Variants in FGD5 observed in about 807,000 individuals in gnomAD.
The protein encoded by FGD5 is FYVE, RhoGEF and PH domain-containing protein 5.
FGD5 carries 28 observed loss-of-function variants against 133.4 expected under a neutral mutation model. That is an observed-to-expected ratio of 0.21 (90% CI 0.16 to 0.29). The LOEUF (loss-of-function observed/expected upper bound fraction) is 0.29. FGD5 is among the 10% of genes least tolerant of loss of function. The pLI is 1.00. For synonymous variants in FGD5, 810 were observed against 776.5 expected (o/e 1.04, Z -0.72); for missense variants, 1,858 against 1,895.2 (o/e 0.98, Z 0.36).
intron 1 of FGD5, among the ~76,000 whole-genome samples, chr3:14,844,786 G>A (rs1270399259): frequency 1.3e-5 from 2 of 152,142 alleles, no homozygotes; most frequent in Admixed American, 6.5e-5. Context: ...TGTCTAGAAG[G>A]AGCTAGCCCA....
At chr3:14,867,663 T>G (rs923374274) in intron 2 of FGD5, among the ~76,000 whole-genome samples, 2 of 145,996 alleles carry the variant, frequency 1.4e-5, no homozygotes, top group Non-Finnish European at 3.0e-5. Context: ...GTTTCCCAAG[T>G]GAGTGACCTT....
chr3:14,869,737 C>T (rs1336195496), intron 2 of FGD5, among the ~76,000 whole-genome samples: 3 of 152,206 alleles, frequency 2.0e-5, no homozygotes, highest in African/African-American at 4.8e-5. Flanking sequence ...ATAATGTCCT[C>T]AAGGTTCATC....
rs1395989953 is a variant in FGD5 at position 14,921,990 on chromosome 3, G to A, written c.3642G>A (p.Ala1214=). Residue 1214 remains alanine (A), a synonymous_variant, in exon 14 of 20, where the codon GCG becomes GCA. Transcript: ENST00000285046. ...TCCCTGAGGACTACAAGGCCCAGGC[G>A]CTGGCTGCATTCCACCATAGCGTGG... ...RALPEDYKAQ[A]LAAFHHSVEI... 20 of 1,565,760 alleles carry A rather than the reference G, an allele frequency of 1.3e-5. No individual in the cohort carries two copies. Among genetic ancestry groups the A allele is most frequent in the Non-Finnish European group, 1.6e-5 (19 of 1,155,198 alleles).
At chr3:14,876,823 A>G (rs2037728525) in intron 2 of FGD5, among the ~76,000 whole-genome samples, 1 of 152,234 alleles carries the variant, frequency 6.6e-6, no homozygotes, top group East Asian at 1.9e-4. Context: ...CCAGTTTTAC[A>G]GTTGGAAAAA....
chr3:14,860,277 A>G (rs528590113), intron 1 of FGD5, among the ~76,000 whole-genome samples: 1 of 151,990 alleles, frequency 6.6e-6, no homozygotes, highest in African/African-American at 2.4e-5. Flanking sequence ...TGGTTTGTCC[A>G]CTCTCTGGGC....
At chr3:14,810,900 G>A in intron 1 of FGD5, 1 of 985,204 alleles carries the variant, frequency 1.0e-6, no homozygotes, top group Non-Finnish European at 1.2e-6. Context: ...GCCGAGGCAC[G>A]AGCGCGAGGG....
upstream of FGD5, among the ~76,000 whole-genome samples, chr3:14,817,459 G>A (rs1253034408): frequency 6.6e-6 from 1 of 152,156 alleles, no homozygotes; most frequent in Non-Finnish European, 1.5e-5. Context: ...GCTTCTGAAA[G>A]TGCTGGGATT....
chr3:14,897,812 T>G (rs1425521343), intron 5 of FGD5, 127 bp from the exon 6 acceptor site: 2 of 1,460,988 alleles, frequency 1.4e-6, no homozygotes, highest in Non-Finnish European at 1.8e-6. Context: ...TTGCTCAAAG[T>G]AAAACAACTG....
intron 5 of FGD5, 93 bp from the exon 6 acceptor site, chr3:14,897,846 C>A: frequency 6.5e-7 from 1 of 1,533,454 alleles, no homozygotes; most frequent in Non-Finnish European, 8.8e-7. Context: ...CTGGGATCTG[C>A]ACCCAGGGAT....
At chr3:14,877,793 C>G (rs2037748793) in intron 2 of FGD5, among the ~76,000 whole-genome samples, 1 of 152,194 alleles carries the variant, frequency 6.6e-6, no homozygotes, top group South Asian at 2.1e-4. Context: ...GGGGTGACGT[C>G]TTGCATCACC....
At chr3:14,892,391 C>T (rs1575236798) in intron 4 of FGD5, among the ~76,000 whole-genome samples, 1 of 151,878 alleles carries the variant, frequency 6.6e-6, no homozygotes, top group South Asian at 2.1e-4. Context: ...TTGGCAGTCT[C>T]GCCATGTTGC....
chr3:14,927,727 A>T (rs1028910584), intron 18 of FGD5, among the ~76,000 whole-genome samples: 3 of 152,082 alleles, frequency 2.0e-5, no homozygotes, highest in Non-Finnish European at 4.4e-5. Flanking sequence ...GGAAAAAGCG[A>T]CTATCAAAAA....
intron 1 of FGD5, among the ~76,000 whole-genome samples, chr3:14,823,022 A>G (rs1174982276): frequency 6.6e-6 from 1 of 152,234 alleles, no homozygotes; most frequent in Non-Finnish European, 1.5e-5. Context: ...TCTTTCTAAG[A>G]TGAGAAGATC....
chr3:14,895,500 A>C (rs530880520), intron 4 of FGD5, among the ~76,000 whole-genome samples: 1 of 152,190 alleles, frequency 6.6e-6, no homozygotes, highest in African/African-American at 2.4e-5. Flanking sequence ...CCTTTGTCAA[A>C]GATGAGTTGG....
chr3:14,893,745 C>CTTTTTTTTTTT (rs1184804114), intron 4 of FGD5, among the ~76,000 whole-genome samples: 2 of 89,112 alleles, frequency 2.2e-5, no homozygotes, highest in African/African-American at 8.4e-5. Flanking sequence ...TCTTTCTTTT[C>CTTTTTTTTTTT]TTTTTTCTTT....
intron 1 of FGD5, among the ~76,000 whole-genome samples, chr3:14,846,240 T>C (rs1485501922): frequency 6.6e-6 from 1 of 152,164 alleles, no homozygotes; most frequent in Non-Finnish European, 1.5e-5. Flanking sequence ...CAGGGGCTTC[T>C]TTGGGGAGCC....
At position 14,833,861 on chromosome 3, in the gene FGD5, G is replaced by A. The variant is rs528243382; in HGVS notation, c.2525+12265G>A. ...GCAGCCTCAGAAGGCAGCAGCCCCT[G>A]GGTGCTGGTGTGTGAAGTCTGCCTG... On this transcript the variant is annotated intron_variant, in intron 1 of 19. Transcript: ENST00000285046. Among the ~76,000 whole-genome samples, 223 of 152,314 alleles carry A rather than the reference G, an allele frequency of 1.5e-3. 1 individual carries two copies. The highest frequency in any genetic ancestry group is 3.4e-3 in the Middle Eastern group (1 of 294).
In FGD5 at chr3:14,910,929, G is replaced by C; in HGVS notation, c.3405G>C (p.Leu1135=). The C allele has an allele frequency of 6.2e-7, 1 of 1,611,294 alleles. No individual in the cohort carries two copies. The highest frequency in any genetic ancestry group is 8.5e-7 in the Non-Finnish European group (1 of 1,178,726). Residue 1135 remains leucine, a splice_region_variant and synonymous_variant, in exon 11 of 20, where the codon CTG becomes CTC. Coordinates refer to ENST00000285046, the MANE Select transcript of FGD5 (RefSeq NM_152536.4). ...ACAGACGGCCCCGGCACCTATTTCT[G>C]GTAAGTGCCCGGTCCCCAAGCCCAG... ...GKNRRPRHLF[L]MNDVLLYTYP...
At chr3:14,833,041 C>A (rs371722484) in intron 1 of FGD5, among the ~76,000 whole-genome samples, 3 of 152,154 alleles carry the variant, frequency 2.0e-5, no homozygotes, top group African/African-American at 4.8e-5. Context: ...ATAATAATTT[C>A]TGAGCGACGA....
Sources: allele counts gnomAD v4.1 joint callset (sites outside exome capture counted in the v4.1 genomes callset), GRCh38; gene constraint gnomAD v4.1.1; transcripts MANE v1.5; gene names NCBI Gene and HGNC (gene_info 2026-07-23, HGNC 2026-07-21).